The following ATP6V1D variants were observed in gnomAD, a reference collection of about 807,000 sequenced individuals.
ATP6V1D encodes the protein V-type proton ATPase subunit D.
Under a neutral mutation model 39.4 loss-of-function variants are expected in ATP6V1D, and 20 were observed. That is an observed-to-expected ratio of 0.51 (90% CI 0.36 to 0.74). ATP6V1D has a LOEUF of 0.74. ATP6V1D is among the 30% of genes least tolerant of loss of function. The pLI, the probability that ATP6V1D is intolerant of heterozygous loss-of-function variation, is 0.00. For synonymous variants in ATP6V1D, 100 were observed against 100.5 expected (o/e 0.99, Z 0.03); for missense variants, 228 against 291.6 (o/e 0.78, Z 1.59).
At chr14:67,356,881 T>C (rs1219550514) in intron 1 of ATP6V1D, among the ~76,000 whole-genome samples, 1 of 152,244 alleles carries the variant, frequency 6.6e-6, no homozygotes, top group African/African-American at 2.4e-5. Context: ...TAGTAAATAC[T>C]AGAACTTGGG....
chr14:67,349,070 C>T lies in ATP6V1D; in HGVS notation c.274G>A (p.Val92Met), dbSNP rs2085640813. Residue 92 changes from valine (V) to methionine (M), a missense_variant, in exon 4 of 9, where the codon GTG becomes ATG. Physicochemically the swap from Val to Met is conservative, Grantham distance 21. Coordinates refer to ENST00000216442, the MANE Select transcript of ATP6V1D (RefSeq NM_015994.4). ...TTATCTTTCTTCGCTCGAATCTTCA[C>T]TTGCGCTTTATTGACATTTTGGATA... ...TVIQNVNKAQVKIRAKKDNVA... is the reference protein window; with the variant it reads ...TVIQNVNKAQMKIRAKKDNVA... 6.2e-7 allele frequency: 1 copy of T among 1,614,102 alleles called. No individual in the cohort carries two copies. The highest frequency in any genetic ancestry group is 8.5e-7 in the Non-Finnish European group (1 of 1,179,966).
At chr14:67,340,727 G>A (rs966256813) in intron 7 of ATP6V1D, among the ~76,000 whole-genome samples, 5 of 152,136 alleles carry the variant, frequency 3.3e-5, no homozygotes, top group South Asian at 4.1e-4. Flanking sequence ...ATGCCGAGCC[G>A]AAGCTGGACT....
rs112852385 is a variant in ATP6V1D at position 67,338,297 on chromosome 14, C to T, written c.*324G>A. ...TGCTCCACAGTAATTGGCCTGAGAC[C>T]GCTAATGCTTCCTAAGAGGTATTTC... On this transcript the variant is annotated 3_prime_UTR_variant, in exon 9 of 9. Coordinates refer to ENST00000216442, the MANE Select transcript of ATP6V1D (RefSeq NM_015994.4). The T allele has an allele frequency of 1.2e-3, 215 of 185,508 alleles. No homozygotes were observed. The highest frequency in any genetic ancestry group is 4.7e-3 in the African/African-American group (200 of 42,840). The allele number at this position is 185,508 out of a possible 1,614,324, so 11.5% of individuals were successfully genotyped here. A position where few individuals can be genotyped will look rare whatever the true frequency, so the allele number is the denominator to read the frequency against.
intron 1 of ATP6V1D, among the ~76,000 whole-genome samples, chr14:67,355,394 TTAA>T (rs966531100): frequency 1.7e-5 from 2 of 114,696 alleles, no homozygotes; most frequent in Non-Finnish European, 3.3e-5. Context: ...CAGATACAAT[TTAA>T]TAATGAAAAA....
At chr14:67,340,928 G>A (rs1420898938) in intron 7 of ATP6V1D, among the ~76,000 whole-genome samples, 4 of 152,240 alleles carry the variant, frequency 2.6e-5, no homozygotes, top group Non-Finnish European at 5.9e-5. Context: ...CGCCAGCCTC[G>A]GCCTCCCGAG....
intron 1 of ATP6V1D, among the ~76,000 whole-genome samples, chr14:67,358,308 T>C (rs969845757): frequency 3.3e-5 from 5 of 152,146 alleles, no homozygotes; most frequent in African/African-American, 9.7e-5. Context: ...TATTAGAAAG[T>C]CAACAGGTGA....
intron 3 of ATP6V1D, among the ~76,000 whole-genome samples, chr14:67,349,778 C>T (rs958732016): frequency 2.0e-5 from 3 of 152,218 alleles, no homozygotes; most frequent in African/African-American, 4.8e-5. Flanking sequence ...CACTTATACA[C>T]TATTGATTGA....
chr14:67,339,297 T>C (rs967258469), intron 8 of ATP6V1D, among the ~76,000 whole-genome samples: 1 of 152,076 alleles, frequency 6.6e-6, no homozygotes, highest in Non-Finnish European at 1.5e-5. Flanking sequence ...GAGCCCAGCC[T>C]AGAAGCCTTT....
At chr14:67,356,761 C>T (rs1252641769) in intron 1 of ATP6V1D, among the ~76,000 whole-genome samples, 1 of 152,222 alleles carries the variant, frequency 6.6e-6, no homozygotes, top group East Asian at 1.9e-4. Context: ...CTGGCTGACT[C>T]TGCACTGACT....
intron 4 of ATP6V1D, among the ~76,000 whole-genome samples, chr14:67,348,046 G>A (rs983724740): frequency 6.6e-6 from 1 of 151,598 alleles, no homozygotes; most frequent in Non-Finnish European, 1.5e-5. Flanking sequence ...CTGAGTAGCT[G>A]GGACAACAGG....
At chr14:67,356,430 AAAACAAAAAAAAAAAAACAAAAAC>A (rs1401560000) in intron 1 of ATP6V1D, among the ~76,000 whole-genome samples, 2 of 126,500 alleles carry the variant, frequency 1.6e-5, no homozygotes, top group South Asian at 2.5e-4. Flanking sequence ...CAAAAAAACA[AAAACAAAAAAAAAAAAACAAAAAC>A]AAACAAACAC....
intron 6 of ATP6V1D, 120 bp downstream of exon 6, chr14:67,345,648 A>T (rs1426419225): frequency 3.2e-6 from 2 of 618,252 alleles, no homozygotes; most frequent in Non-Finnish European, 2.9e-6. Flanking sequence ...TGCTTTACAT[A>T]GGATCATGGG....
intron 1 of ATP6V1D, among the ~76,000 whole-genome samples, chr14:67,354,780 A>G (rs1325079588): frequency 6.6e-6 from 1 of 152,122 alleles, no homozygotes; most frequent in East Asian, 1.9e-4. Flanking sequence ...ATATGGATTT[A>G]CTTTTTACTA....
rs774248792 is a variant in ATP6V1D, at chr14:67,338,642, G to A, written c.723C>T (p.Asp241=). ...AAGATTATTCAAATAGAAGATCCTC[G>A]TCCTTCTCTTCAGCCAGAAGATTAG... is the stretch of plus-strand genomic sequence containing the variant. ...EPANLLAEEK[D]EDLLFE is the part of the protein sequence containing the mutation. The change falls in exon 9 of 9, where the codon GAC becomes GAT. Residue 241 remains aspartate, a synonymous_variant. Transcript: ENST00000216442. 8.1e-6 allele frequency: 13 copies of A among 1,613,840 alleles called. No homozygotes were observed. The highest frequency in any genetic ancestry group is 6.7e-5 in the East Asian group (3 of 44,870).
chr14:67,350,533 A>T (rs548699025), intron 3 of ATP6V1D, 78 bp downstream of exon 3: 716 of 1,300,334 alleles, frequency 5.5e-4, no homozygotes, highest in Non-Finnish European at 7.3e-4. Context: ...TTTCTAAATT[A>T]AAAAATGCTT....
In ATP6V1D at chr14:67,338,614, G is replaced by A. The variant is rs2085556851; in HGVS notation, c.*7C>T. 1.9e-6 allele frequency: 3 copies of A among 1,613,106 alleles called. No individual in the cohort carries two copies. Among genetic ancestry groups the A allele is most frequent in the Non-Finnish European group, 2.5e-6 (3 of 1,179,576 alleles). ...TAGGGTTTCTCAAAGAACCAGAACA[G>A]GAAAGATTATTCAAATAGAAGATCC... On this transcript the variant is annotated 3_prime_UTR_variant, in exon 9 of 9. Transcript: ENST00000216442.
Position 67,353,018 on chromosome 14 carries a change from G to A in ATP6V1D, c.64C>T (p.Arg22Cys), listed in dbSNP as rs142143626. 4.3e-6 allele frequency: 7 copies of A among 1,613,338 alleles called. No homozygotes were observed. Among genetic ancestry groups the A allele is most frequent in the Non-Finnish European group, 5.9e-6 (7 of 1,179,718 alleles). The change falls in exon 2 of 9, where the codon CGT (arginine) becomes TGT (cysteine). Residue 22 changes from arginine (R) to cysteine (C), a missense_variant. Physicochemically the swap from Arg to Cys is radical, Grantham distance 180. Transcript: ENST00000216442. ...CGACCTGTCTGTGCTCCCTTTAAACGAGCCTTCATGATGGTCTGTGCCCTA... is the reference window on the plus strand; with the variant it reads ...CGACCTGTCTGTGCTCCCTTTAAACAAGCCTTCATGATGGTCTGTGCCCTA... Reference protein sequence around the residue: ...SRMAQTIMKARLKGAQTGRNL... With the variant: ...SRMAQTIMKACLKGAQTGRNL...
intron 2 of ATP6V1D, 79 bp from the exon 3 acceptor site, chr14:67,350,769 T>C (rs2085650157): frequency 3.0e-6 from 4 of 1,331,284 alleles, no homozygotes; most frequent in Non-Finnish European, 1.1e-6. Flanking sequence ...GTTCCTTTAA[T>C]AACCATCAGT....
chr14:67,353,061 T>G, intron 1 of ATP6V1D, 21 bp from the exon 2 acceptor site: 1 of 1,554,326 alleles, frequency 6.4e-7, no homozygotes, highest in South Asian at 1.2e-5. Context: ...ATAAACAAAG[T>G]TAAGACATCT....
Sources: allele counts gnomAD v4.1 joint callset (sites outside exome capture counted in the v4.1 genomes callset), GRCh38; gene constraint gnomAD v4.1.1; transcripts MANE v1.5; gene names NCBI Gene and HGNC (gene_info 2026-07-23, HGNC 2026-07-21).